The following SETBP1 variants were observed in gnomAD, a reference collection of about 807,000 sequenced individuals.
SETBP1 encodes the protein SET binding protein 1, also known as SET-binding protein.
A neutral mutation model predicts 101.0 loss-of-function variants in SETBP1; 9 were observed. The ratio of observed to expected loss-of-function variants is 0.09; its 90% CI spans 0.05 to 0.16. The LOEUF is 0.16. Among genes scored for constraint, SETBP1 ranks in the 10% least tolerant of loss-of-function variants. The pLI, the probability that SETBP1 is intolerant of heterozygous loss-of-function variation, is 1.00. For synonymous variants in SETBP1, 818 were observed against 788.5 expected, an observed-to-expected ratio of 1.04 and a Z score of -0.63; for missense variants, 1,858 against 2,033.8, an observed-to-expected ratio of 0.91 and a Z score of 1.66.
intron 2 of SETBP1, among the ~76,000 whole-genome samples, chr18:44,854,238 AG>A (rs1206291607): frequency 1.3e-5 from 2 of 152,038 alleles, no homozygotes; most frequent in African/African-American, 4.8e-5. Flanking sequence ...AGCAGATGAG[AG>A]GGGGAAATGA....
chr18:44,904,161 A>T (rs1479197039), intron 3 of SETBP1, among the ~76,000 whole-genome samples: 1 of 152,236 alleles, frequency 6.6e-6, no homozygotes, highest in African/African-American at 2.4e-5. Context: ...GATGAGGCTT[A>T]GTGTGGATCC....
chr18:44,800,337 C>T (rs1273776099), intron 2 of SETBP1, among the ~76,000 whole-genome samples: 2 of 152,020 alleles, frequency 1.3e-5, no homozygotes, highest in Non-Finnish European at 2.9e-5. Context: ...GCTGGGAGTC[C>T]TTTAGAAGCA....
chr18:44,680,691 T>G (rs1310269528), upstream of SETBP1, among the ~76,000 whole-genome samples: 3 of 151,880 alleles, frequency 2.0e-5, no homozygotes, highest in Non-Finnish European at 4.4e-5. Context: ...TGGTGGAAGC[T>G]TTGGGCTGGA....
rs184547435 is a variant in SETBP1 at position 45,051,707 on chromosome 18, A to G, written c.4172-11372A>G. ...GTTTCAGTCAATCTTAACGTTCTTA[A>G]CATCCTTAATGTCCTTAAATGTTCA... is the stretch of plus-strand genomic sequence containing the variant. On this transcript the variant is annotated intron_variant, in intron 5 of 5. Coordinates refer to ENST00000649279, the MANE Select transcript of SETBP1 (RefSeq NM_015559.3). Among the ~76,000 whole-genome samples, 3 of 152,110 alleles carry G rather than the reference A, an allele frequency of 2.0e-5. No individual in the cohort carries two copies. In the East Asian group the frequency reaches 5.8e-4, roughly 29 times the overall value.
chr18:44,696,769 A>G (rs1181791438), intron 1 of SETBP1, among the ~76,000 whole-genome samples: 1 of 152,206 alleles, frequency 6.6e-6, no homozygotes, highest in Non-Finnish European at 1.5e-5. Flanking sequence ...GAGATCCACA[A>G]AGTGTGGGTA....
chr18:44,921,581 C>G (rs935542265), intron 3 of SETBP1, among the ~76,000 whole-genome samples: 7 of 152,218 alleles, frequency 4.6e-5, no homozygotes, highest in Non-Finnish European at 1.0e-4. Context: ...TGCTTTATAC[C>G]TTTGGAAATG....
At chr18:45,016,165 A>T (rs1480898341) in intron 4 of SETBP1, among the ~76,000 whole-genome samples, 1 of 152,252 alleles carries the variant, frequency 6.6e-6, no homozygotes, top group East Asian at 1.9e-4. Flanking sequence ...GCCGAATTTC[A>T]TATGAACGGG....
chr18:44,937,116 T>C (rs2070974944), intron 3 of SETBP1, among the ~76,000 whole-genome samples: 1 of 152,202 alleles, frequency 6.6e-6, no homozygotes, highest in Non-Finnish European at 1.5e-5. Flanking sequence ...TGTTAAATAC[T>C]TGACAGTCTT....
intron 3 of SETBP1, among the ~76,000 whole-genome samples, chr18:44,878,193 C>T (rs1435525555): frequency 6.6e-6 from 1 of 152,078 alleles, no homozygotes; most frequent in Non-Finnish European, 1.5e-5. Context: ...AAAGTGAGGC[C>T]AACTGGTTGA....
At chr18:44,840,840 A>G (rs2072600843) in intron 2 of SETBP1, among the ~76,000 whole-genome samples, 1 of 152,264 alleles carries the variant, frequency 6.6e-6, no homozygotes, top group Non-Finnish European at 1.5e-5. Context: ...GGGCCTCCCC[A>G]TGCCCAGGGA....
At chr18:44,683,286 G>A (rs558270581) in intron 1 of SETBP1, among the ~76,000 whole-genome samples, 1 of 152,296 alleles carries the variant, frequency 6.6e-6, no homozygotes, top group East Asian at 1.9e-4. Context: ...GCTGCCATAA[G>A]GGCTTCTGGT....
chr18:44,861,636 A>G (rs1441438159), intron 2 of SETBP1, among the ~76,000 whole-genome samples: 1 of 152,152 alleles, frequency 6.6e-6, no homozygotes, highest in Non-Finnish European at 1.5e-5. Flanking sequence ...TGAGTTAGCC[A>G]AGCCAGGCTC....
At chr18:44,819,136 T>C (rs1475301195) in intron 2 of SETBP1, among the ~76,000 whole-genome samples, 1 of 143,480 alleles carries the variant, frequency 7.0e-6, no homozygotes, top group East Asian at 2.1e-4. Flanking sequence ...AGAGTGGGAG[T>C]AGACTTCCCT....
intron 4 of SETBP1, among the ~76,000 whole-genome samples, chr18:44,976,608 G>A (rs1237385824): frequency 1.3e-5 from 2 of 152,184 alleles, no homozygotes; most frequent in African/African-American, 4.8e-5. Context: ...CTCAGGGCAA[G>A]GAGGGAAATA....
intron 4 of SETBP1, among the ~76,000 whole-genome samples, chr18:44,978,656 C>G (rs2072043578): frequency 6.6e-6 from 1 of 152,152 alleles, no homozygotes; most frequent in South Asian, 2.1e-4. Flanking sequence ...TGGAAGCTTG[C>G]ATTACTGTCA....
intron 2 of SETBP1, among the ~76,000 whole-genome samples, chr18:44,763,427 T>TG (rs1404738696): frequency 6.6e-6 from 1 of 152,208 alleles, no homozygotes; most frequent in Admixed American, 6.5e-5. Context: ...CTAGGCTTCC[T>TG]GGCATGTGGT....
intron 2 of SETBP1, among the ~76,000 whole-genome samples, chr18:44,792,523 A>G (rs531137402): frequency 7.9e-5 from 12 of 152,198 alleles, no homozygotes; most frequent in Non-Finnish European, 1.5e-4. Context: ...AGCATAGGGT[A>G]GTTGCCAGAG....
intron 4 of SETBP1, among the ~76,000 whole-genome samples, chr18:44,978,572 G>C (rs973676310): frequency 6.6e-6 from 1 of 152,132 alleles, no homozygotes; most frequent in Admixed American, 6.5e-5. Flanking sequence ...GGTTAAATGT[G>C]ATTAGCTCCA....
At chr18:44,956,199 C>T (rs573743336) in intron 4 of SETBP1, among the ~76,000 whole-genome samples, 1 of 152,144 alleles carries the variant, frequency 6.6e-6, no homozygotes, top group South Asian at 2.1e-4. Context: ...TATTCCCCTC[C>T]CTTCCAAGCC....
Sources: gnomAD v4.1 joint callset for allele counts (sites outside exome capture counted in the v4.1 genomes callset) on GRCh38, gnomAD v4.1.1 for gene constraint, MANE v1.5 for transcripts, NCBI Gene and HGNC (gene_info 2026-07-23, HGNC 2026-07-21) for gene names.